Variants in KLHDC8A observed in about 807,000 individuals in gnomAD.
KLHDC8A encodes the protein kelch domain containing 8A.
A neutral mutation model predicts 33.1 loss-of-function variants in KLHDC8A; 21 were observed. The observed-to-expected ratio is 0.64, with a 90% CI of 0.45 to 0.91. The LOEUF (loss-of-function observed/expected upper bound fraction) is 0.91. Among genes scored for constraint, KLHDC8A ranks in the 40% least tolerant of loss-of-function variants. KLHDC8A has a pLI of 0.00. For synonymous variants in KLHDC8A, 173 were observed against 193.5 expected (o/e 0.89, Z 0.88); for missense variants, 435 against 483.3 (o/e 0.90, Z 0.94).
chr1:205,343,690 A>T lies in KLHDC8A; in HGVS notation c.-86T>A, dbSNP rs1163490900. The T allele has an allele frequency of 2.9e-6, 4 of 1,386,110 alleles. No homozygotes were observed. In the African/African-American group the frequency reaches 5.8e-5, roughly 20 times the overall value. 85.9% of individuals were successfully genotyped at this position (1,386,110 alleles called of 1,614,324 possible). A position where few individuals can be genotyped will look rare whatever the true frequency, so the allele number is the denominator to read the frequency against. On this transcript the variant is annotated 5_prime_UTR_variant, in exon 2 of 6. Transcript: ENST00000367155. ...CTTGGCGCCGGCTCCCACGGCCCCTATCGCCACCTCCATCTGGCTCCCGAG... is the reference window on the plus strand; with the variant it reads ...CTTGGCGCCGGCTCCCACGGCCCCTTTCGCCACCTCCATCTGGCTCCCGAG...
Position 205,356,778 on chromosome 1 carries a change from C to A in KLHDC8A, c.-435G>T, listed in dbSNP as rs995053755. 4 of 309,498 alleles carry A rather than the reference C, an allele frequency of 1.3e-5. No homozygotes were observed. Among genetic ancestry groups the A allele is most frequent in the Non-Finnish European group, 2.6e-5 (4 of 154,626 alleles). The allele number at this position is 309,498 out of a possible 1,614,324, so 19.2% of individuals were successfully genotyped here. A position where few individuals can be genotyped will look rare whatever the true frequency, so the allele number is the denominator to read the frequency against. On this transcript the variant is annotated 5_prime_UTR_variant, in exon 1 of 6. Coordinates refer to ENST00000367155, the MANE Select transcript of KLHDC8A (RefSeq NM_018203.3). ...CTATGCACAGGGCATGGGGCCAGCC[C>A]CGCCCTGAATGCACAGAAACTTGGG...
At chr1:205,356,453 A>G (rs1663278120) in intron 1 of KLHDC8A, 80 bp downstream of exon 1, 1 of 446,178 alleles carries the variant, frequency 2.2e-6, no homozygotes, top group Non-Finnish European at 4.5e-6. Flanking sequence ...TCTCACAGAC[A>G]CCACTGCCTG....
intron 2 of KLHDC8A, among the ~76,000 whole-genome samples, chr1:205,341,938 C>T (rs55767016): frequency 0.12 from 18,131 of 152,246 alleles, 1,349 homozygotes; most frequent in South Asian, 0.2. Flanking sequence ...CGTGAGCCAC[C>T]GCGCCCGGCC....
intron 1 of KLHDC8A, among the ~76,000 whole-genome samples, chr1:205,345,811 A>G (rs1662931478): frequency 6.6e-6 from 1 of 152,056 alleles, no homozygotes; most frequent in Non-Finnish European, 1.5e-5. Context: ...TTGGTGGCTC[A>G]TGCCTGTAAT....
At chr1:205,341,799 C>T (rs1218921425) in intron 2 of KLHDC8A, among the ~76,000 whole-genome samples, 7 of 152,092 alleles carry the variant, frequency 4.6e-5, no homozygotes, top group Admixed American at 3.9e-4. Context: ...TACAGGCGCC[C>T]GCCACTGTGC....
Position 205,337,331 on chromosome 1 carries a change from C to T in KLHDC8A, c.*68G>A. On this transcript the variant is annotated 3_prime_UTR_variant, in exon 6 of 6. Transcript: ENST00000367155. ...TTGGAAGTAGCCCCGACTGCTTGGA[C>T]AAGATCATTCCTCATGTTAAGAGTG... 7 of 1,345,100 alleles carry T rather than the reference C, an allele frequency of 5.2e-6. No homozygotes were observed. In the South Asian group the frequency reaches 7.1e-5, roughly 14 times the overall value. The allele number at this position is 1,345,100 out of a possible 1,614,324, so 83.3% of individuals were successfully genotyped here. A position where few individuals can be genotyped will look rare whatever the true frequency, so the allele number is the denominator to read the frequency against.
rs1208441661 is a variant in KLHDC8A, at chr1:205,343,630, C to T, written c.-26G>A. On this transcript the variant is annotated 5_prime_UTR_variant, in exon 2 of 6. Coordinates refer to ENST00000367155, the MANE Select transcript of KLHDC8A (RefSeq NM_018203.3). ...GGCAGCCTTGGGGAGCGCCCGGGCGCCGGGAGAGGTGCGAGCGCGGGGGTC... is the reference window on the plus strand; with the variant it reads ...GGCAGCCTTGGGGAGCGCCCGGGCGTCGGGAGAGGTGCGAGCGCGGGGGTC... The T allele has an allele frequency of 6.5e-7, 1 of 1,543,658 alleles. No homozygotes were observed.
chr1:205,350,171 C>T (rs1663057815), intron 1 of KLHDC8A, among the ~76,000 whole-genome samples: 1 of 152,220 alleles, frequency 6.6e-6, no homozygotes, highest in African/African-American at 2.4e-5. Context: ...CCAGTGAAGA[C>T]TTTATCAGGG....
At chr1:205,343,107 G>A in intron 2 of KLHDC8A, 122 bp downstream of exon 2, 1 of 1,370,868 alleles carries the variant, frequency 7.3e-7, no homozygotes, top group Non-Finnish European at 9.9e-7. Flanking sequence ...AACGCATGGG[G>A]TCTGCAGAAA....
intron 1 of KLHDC8A, 43 bp downstream of exon 1, chr1:205,356,490 G>A (rs1432826373): frequency 2.2e-6 from 1 of 454,482 alleles, no homozygotes; most frequent in African/African-American, 2.0e-5. Context: ...CCCTCAGAAT[G>A]CCAAGGCATC....
intron 1 of KLHDC8A, among the ~76,000 whole-genome samples, chr1:205,350,695 G>T (rs546709539): frequency 5.3e-5 from 8 of 151,788 alleles, no homozygotes; most frequent in African/African-American, 1.9e-4. Context: ...GCTGAGAGAC[G>T]GCTCTGAATG....
At position 205,339,389 on chromosome 1, in the gene KLHDC8A, C is replaced by A; in HGVS notation, c.562G>T (p.Ala188Ser). The A allele has an allele frequency of 1.2e-6, 2 of 1,613,798 alleles. No homozygotes were observed. Among genetic ancestry groups the A allele is most frequent in the Non-Finnish European group, 8.5e-7 (1 of 1,179,844 alleles). ...YVLGGRQSKY[A>S]VNAFEVFDIE... ...TCAAAGACCTCGAAAGCGTTGACCG[C>A]GTACTTGGACTGTCGTCCCCCTGGG... The change falls in exon 4 of 6, where the codon GCG (alanine) becomes TCG (serine). Residue 188 changes from alanine (A) to serine (S), a missense_variant. Physicochemically the swap from Ala to Ser is moderately conservative, Grantham distance 99. Transcript: ENST00000367155. The surrounding 1 kb of genome is among the most constrained non-coding windows in gnomAD (Gnocchi z 5.1).
In KLHDC8A at chr1:205,343,504, T is replaced by C. The variant is rs578018198; in HGVS notation, c.101A>G (p.Tyr34Cys). Residue 34 changes from tyrosine to cysteine, a missense_variant, in exon 2 of 6, where the codon TAT (tyrosine) becomes TGT (cysteine). By Grantham distance (194) the Tyr-to-Cys change is radical. Transcript: ENST00000367155. ...CSLLETGGQV[Y>C]AIGGCDDNGV... is the part of the protein sequence containing the mutation. ...GTTGTCGTCACATCCCCCGATGGCATAGACCTGGCCCCCGGTCTCCAGCAG... is the reference window on the plus strand; with the variant it reads ...GTTGTCGTCACATCCCCCGATGGCACAGACCTGGCCCCCGGTCTCCAGCAG... The C allele has an allele frequency of 2.3e-5, 37 of 1,613,388 alleles. No individual in the cohort carries two copies. Among genetic ancestry groups the C allele is most frequent in the African/African-American group, 2.1e-4 (16 of 75,020 alleles).
Position 205,339,184 on chromosome 1 carries a change from A to C in KLHDC8A, c.757+10T>G. 6.2e-7 allele frequency: 1 copy of C among 1,611,500 alleles called. No homozygotes were observed. Among genetic ancestry groups the C allele is most frequent in the Non-Finnish European group, 8.5e-7 (1 of 1,178,256 alleles). Reference sequence around the variant, plus strand: ...CAGCCAGAGCTTCCTGGGGAAGGTGACCAGCTCACCCTGTTCCATGTCGAA... The same window carrying C: ...CAGCCAGAGCTTCCTGGGGAAGGTGCCCAGCTCACCCTGTTCCATGTCGAA... On this transcript the variant is annotated intron_variant, in intron 4 of 5. Transcript: ENST00000367155. The surrounding 1 kb of genome is among the most constrained non-coding windows in gnomAD (Gnocchi z 5.1).
intron 1 of KLHDC8A, chr1:205,351,599 A>C: frequency 3.5e-6 from 1 of 288,616 alleles, no homozygotes; most frequent in Non-Finnish European, 5.9e-6. Flanking sequence ...CTTCTGTAAT[A>C]GTCAAAAAAA....
chr1:205,337,677 G>T, intron 5 of KLHDC8A, 85 bp from the exon 6 acceptor site: 2 of 901,460 alleles, frequency 2.2e-6, no homozygotes, highest in Non-Finnish European at 3.4e-6. Flanking sequence ...CCTCCCTTCG[G>T]CACCCACAAG....
intron 1 of KLHDC8A, among the ~76,000 whole-genome samples, chr1:205,354,501 C>T (rs1663208548): frequency 6.6e-6 from 1 of 152,116 alleles, no homozygotes; most frequent in Non-Finnish European, 1.5e-5. Flanking sequence ...GTTCTCAAGA[C>T]CTATATGGGA....
rs570035344 is a variant in KLHDC8A, at chr1:205,341,940, C to T, written c.376+1289G>A. On this transcript the variant is annotated intron_variant, in intron 2 of 5. Transcript: ENST00000367155. ...CTGGGATTACAGGCGTGAGCCACCG[C>T]GCCCGGCCAATCTTTGTTTCTTTCA... Among the ~76,000 whole-genome samples, 65 of 152,358 alleles carry T rather than the reference C, an allele frequency of 4.3e-4. 2 individuals are homozygous for T. In the South Asian group the frequency reaches 0.012, roughly 29 times the overall value.
chr1:205,351,142 T>G (rs1431003901), intron 1 of KLHDC8A: 2 of 676,926 alleles, frequency 3.0e-6, no homozygotes, highest in Non-Finnish European at 5.4e-6. Flanking sequence ...TGTTTCCACA[T>G]AGAGATTCCT....
Sources: allele counts gnomAD v4.1 joint callset (sites outside exome capture counted in the v4.1 genomes callset), GRCh38; gene constraint gnomAD v4.1.1; non-coding constraint Gnocchi (gnomAD v3.1); transcripts MANE v1.5; gene names NCBI Gene and HGNC (gene_info 2026-07-23, HGNC 2026-07-21).